The following RFX8 variants were observed in gnomAD, a reference collection of about 807,000 sequenced individuals.
The protein encoded by RFX8 is DNA-binding protein RFX8.
Under a neutral mutation model 54.6 loss-of-function variants are expected in RFX8, and 46 were observed. That is an observed-to-expected ratio of 0.84 (90% CI 0.67 to 1.08). The LOEUF is 1.08. RFX8 is among the 50% of genes least tolerant of loss of function. The probability of loss-of-function intolerance (pLI) is 0.00; values close to 1 mark genes in which losing one functional copy is unlikely to be tolerated. For missense variants in RFX8, 536 were observed against 562.3 expected (o/e 0.95, Z 0.47); for synonymous variants, 192 against 209.5 (o/e 0.92, Z 0.72).
At chr2:101,421,694 C>A (rs2104583254) in intron 4 of RFX8, 30 bp downstream of exon 4, 4 of 1,544,380 alleles carry the variant, frequency 2.6e-6, no homozygotes, top group Middle Eastern at 1.7e-4. Flanking sequence ...ATAGATAAAA[C>A]CCTACCCTCT....
rs924234507 is a variant in RFX8 at position 101,415,032 on chromosome 2, C to T, written c.503-120G>A. Reference sequence around the variant, plus strand: ...CACAGCTGGCTAAACTGCAACTTCCCCCACCCCCGTGTCTGCTGGCCCTCT... The same window carrying T: ...CACAGCTGGCTAAACTGCAACTTCCTCCACCCCCGTGTCTGCTGGCCCTCT... On this transcript the variant is annotated intron_variant, in intron 6 of 11. Coordinates refer to ENST00000428343, the MANE Select transcript of RFX8 (RefSeq NM_001145664.2). 7.3e-6 allele frequency: 5 copies of T among 687,726 alleles called. No individual in the cohort carries two copies. The African/African-American group carries it at 8.8e-5, about 12-fold the overall frequency. 42.6% of individuals were successfully genotyped at this position (687,726 alleles called of 1,614,324 possible).
intron 2 of RFX8, among the ~76,000 whole-genome samples, chr2:101,429,649 C>A (rs1288836041): frequency 6.6e-6 from 1 of 152,166 alleles, no homozygotes; most frequent in Non-Finnish European, 1.5e-5. Flanking sequence ...GGTGTCTCCT[C>A]CCACGTCCCC....
At chr2:101,430,244 G>A (rs995728662) in intron 2 of RFX8, among the ~76,000 whole-genome samples, 1 of 152,172 alleles carries the variant, frequency 6.6e-6, no homozygotes, top group African/African-American at 2.4e-5. Context: ...TAGGGTGATG[G>A]GCAATGCTAG....
intron 7 of RFX8, among the ~76,000 whole-genome samples, chr2:101,414,143 G>A (rs1034469408): frequency 6.6e-6 from 1 of 152,250 alleles, no homozygotes; most frequent in African/African-American, 2.4e-5. Context: ...GCCACACTGA[G>A]TCCACAGGGC....
intron 11 of RFX8, among the ~76,000 whole-genome samples, chr2:101,398,061 T>C (rs1006638869): frequency 6.6e-6 from 1 of 152,208 alleles, no homozygotes; most frequent in African/African-American, 2.4e-5. Context: ...TTTCACTACG[T>C]TGGCCAGGCT....
chr2:101,434,515 A>T (rs1416387680), intron 2 of RFX8, among the ~76,000 whole-genome samples: 1 of 141,162 alleles, frequency 7.1e-6, no homozygotes, highest in Non-Finnish European at 1.6e-5. Context: ...ACTGGGGGTC[A>T]AGCTTCACTG....
intron 9 of RFX8, among the ~76,000 whole-genome samples, chr2:101,406,831 G>A (rs1685764762): frequency 6.6e-6 from 1 of 152,166 alleles, no homozygotes; most frequent in Admixed American, 6.5e-5. Flanking sequence ...AAGCAGTGGT[G>A]CCTATTTGGA....
chr2:101,435,089 G>C (rs1687700976), intron 2 of RFX8: 1 of 152,296 alleles, frequency 6.6e-6, no homozygotes, highest in Middle Eastern at 3.1e-3. Flanking sequence ...CCTGGAAGAC[G>C]AACCTCTCCC....
intron 1 of RFX8, among the ~76,000 whole-genome samples, chr2:101,473,874 G>C (rs1469696106): frequency 2.0e-5 from 3 of 152,252 alleles, no homozygotes; most frequent in African/African-American, 7.2e-5. Context: ...AGGCCCAGGA[G>C]CTTTTGGATG....
In RFX8 at chr2:101,462,190, C is replaced by T. The variant is rs1040718024; in HGVS notation, c.72+4587G>A. On this transcript the variant is annotated intron_variant, in intron 2 of 11. Coordinates refer to ENST00000428343, the MANE Select transcript of RFX8 (RefSeq NM_001145664.2). Reference sequence around the variant, plus strand: ...CCTGTAATCCCAGCACTTTGGGAGGCGGAGACGCAGGTGCATTGCTTAAGC... The same window carrying T: ...CCTGTAATCCCAGCACTTTGGGAGGTGGAGACGCAGGTGCATTGCTTAAGC... Among the ~76,000 whole-genome samples, 4 of 152,224 alleles carry T rather than the reference C, an allele frequency of 2.6e-5. No homozygotes were observed. The South Asian group carries it at 8.3e-4, about 32-fold the overall frequency.
At chr2:101,470,423 C>T (rs754792587) in intron 1 of RFX8, among the ~76,000 whole-genome samples, 10 of 152,086 alleles carry the variant, frequency 6.6e-5, no homozygotes, top group African/African-American at 2.4e-4. Flanking sequence ...GCAGAACTGC[C>T]GGCAGGTGAC....
At chr2:101,435,095 C>G (rs1459293582) in intron 2 of RFX8, 2 of 152,338 alleles carry the variant, frequency 1.3e-5, no homozygotes, top group African/African-American at 4.8e-5. Context: ...AGACGAACCT[C>G]TCCCTCTTCT....
intron 6 of RFX8, among the ~76,000 whole-genome samples, chr2:101,416,348 G>C (rs1030057720): frequency 1.3e-5 from 2 of 152,186 alleles, no homozygotes; most frequent in Admixed American, 6.5e-5. Context: ...TTTGCAGCAA[G>C]TCCCAGTCTC....
chr2:101,401,439 A>G (rs1305559424), intron 11 of RFX8, among the ~76,000 whole-genome samples: 1 of 152,204 alleles, frequency 6.6e-6, no homozygotes, highest in Non-Finnish European at 1.5e-5. Flanking sequence ...GAAGAGTTTT[A>G]GGCTGTGACT....
intron 2 of RFX8, among the ~76,000 whole-genome samples, chr2:101,456,530 G>A (rs1335422416): frequency 6.6e-6 from 1 of 152,166 alleles, no homozygotes; most frequent in Admixed American, 6.6e-5. Context: ...ATTTGCGTAT[G>A]TTGAACCAGC....
intron 2 of RFX8, among the ~76,000 whole-genome samples, chr2:101,448,294 C>A (rs1688502422): frequency 6.6e-6 from 1 of 152,164 alleles, no homozygotes; most frequent in Non-Finnish European, 1.5e-5. Context: ...CACTGCCCAG[C>A]CTGGTAATCT....
chr2:101,406,861 G>C (rs78217075), intron 9 of RFX8, among the ~76,000 whole-genome samples: 3,091 of 152,282 alleles, frequency 0.02, 31 homozygotes, highest in Middle Eastern at 0.041. Flanking sequence ...CGTCATGCTT[G>C]CTGTGTAACC....
intron 9 of RFX8, among the ~76,000 whole-genome samples, chr2:101,409,041 C>T (rs1685931164): frequency 6.6e-6 from 1 of 152,190 alleles, no homozygotes; most frequent in South Asian, 2.1e-4. Flanking sequence ...TAAACTCACT[C>T]CTGCTCTTGA....
intron 9 of RFX8, among the ~76,000 whole-genome samples, chr2:101,410,202 T>C (rs1430121828): frequency 1.3e-5 from 2 of 151,196 alleles, no homozygotes; most frequent in Admixed American, 1.3e-4. Context: ...CATGCTCACC[T>C]GTACACACAC....
Sources: allele counts gnomAD v4.1 joint callset (sites outside exome capture counted in the v4.1 genomes callset), GRCh38; gene constraint gnomAD v4.1.1; transcripts MANE v1.5; gene names NCBI Gene and HGNC (gene_info 2026-07-23, HGNC 2026-07-21).